CCDC7: variants seen among roughly 807,000 people sequenced by gnomAD.
CCDC7 encodes coiled-coil domain containing 7.
In CCDC7, 183 loss-of-function variants were observed where a neutral mutation model predicts 196.9. The observed-to-expected ratio is 0.93, with a 90% CI of 0.82 to 1.05. CCDC7 has a LOEUF of 1.05. Ranked by LOEUF, CCDC7 falls within the 50% of genes least tolerant of loss-of-function variation. The pLI, the probability that CCDC7 is intolerant of heterozygous loss-of-function variation, is 0.00. For synonymous variants in CCDC7, 525 were observed against 484.6 expected (o/e 1.08, Z -1.10); for missense variants, 1,540 against 1,482.2 (o/e 1.04, Z -0.64).
intron 39 of CCDC7, among the ~76,000 whole-genome samples, chr10:32,851,406 T>C (rs770070876): frequency 3.3e-5 from 5 of 152,182 alleles, no homozygotes; most frequent in Non-Finnish European, 7.4e-5. Flanking sequence ...GTTACTGATA[T>C]CTAGTTGATA....
At chr10:32,484,287 G>A (rs1213253164) in intron 8 of CCDC7, among the ~76,000 whole-genome samples, 2 of 151,710 alleles carry the variant, frequency 1.3e-5, no homozygotes, top group African/African-American at 2.4e-5. Context: ...TCATGATTTG[G>A]CTCCCTGTTT....
At chr10:32,781,434 T>A (rs2081046897) in intron 29 of CCDC7, among the ~76,000 whole-genome samples, 1 of 152,154 alleles carries the variant, frequency 6.6e-6, no homozygotes, top group South Asian at 2.1e-4. Flanking sequence ...TTTAGTAGCA[T>A]ACAAAAAATT....
At chr10:32,729,439 A>G (rs560519847) in exon 28 of CCDC7, 3 of 1,296,620 alleles carry the variant, frequency 2.3e-6, no homozygotes, top group Non-Finnish European at 3.3e-6. Flanking sequence ...ACTTCAAGCT[A>G]AAGTAACTTC....
At chr10:32,510,137 T>C (rs2045882054) in intron 9 of CCDC7, among the ~76,000 whole-genome samples, 1 of 152,192 alleles carries the variant, frequency 6.6e-6, no homozygotes, top group Admixed American at 6.5e-5. Context: ...CCATAATGGA[T>C]GAATGGATAT....
At chr10:32,458,858 T>C (rs1473433672) in intron 3 of CCDC7, among the ~76,000 whole-genome samples, 1 of 152,144 alleles carries the variant, frequency 6.6e-6, no homozygotes, top group African/African-American at 2.4e-5. Context: ...TTCAGTGAAA[T>C]CCCTGTCAAA....
intron 41 of CCDC7, among the ~76,000 whole-genome samples, chr10:32,872,049 G>T (rs1242163614): frequency 6.6e-6 from 1 of 151,964 alleles, no homozygotes; most frequent in Non-Finnish European, 1.5e-5. Context: ...AATAGGTGTG[G>T]TGTGGTGTGG....
At chr10:32,605,041 C>T (rs2061428116) in intron 18 of CCDC7, among the ~76,000 whole-genome samples, 1 of 152,090 alleles carries the variant, frequency 6.6e-6, no homozygotes, top group East Asian at 1.9e-4. Context: ...GTTGTGGGGG[C>T]AGATCCCTCA....
intron 33 of CCDC7, among the ~76,000 whole-genome samples, chr10:32,841,228 A>G (rs1192334445): frequency 6.6e-6 from 1 of 152,022 alleles, no homozygotes; most frequent in Non-Finnish European, 1.5e-5. Flanking sequence ...TGCTGATGAT[A>G]TGATCATATA....
chr10:32,672,206 G>A (rs1438910299), intron 21 of CCDC7, among the ~76,000 whole-genome samples: 1 of 152,184 alleles, frequency 6.6e-6, no homozygotes, highest in East Asian at 1.9e-4. Context: ...GAATCAAGGT[G>A]CAGATTCCTG....
intron 8 of CCDC7, among the ~76,000 whole-genome samples, chr10:32,490,808 A>C (rs2042030320): frequency 1.3e-5 from 2 of 152,116 alleles, no homozygotes; most frequent in Admixed American, 6.6e-5. Context: ...AAAAAAAAAA[A>C]AGTTGGTGTT....
At chr10:32,520,305 T>C (rs1241480211) in intron 11 of CCDC7, among the ~76,000 whole-genome samples, 1 of 152,102 alleles carries the variant, frequency 6.6e-6, no homozygotes, top group Non-Finnish European at 1.5e-5. Flanking sequence ...CTATTTTCCA[T>C]AGTGGTTTTA....
At chr10:32,475,120 T>C (rs1328785018) in intron 8 of CCDC7, among the ~76,000 whole-genome samples, 1 of 152,212 alleles carries the variant, frequency 6.6e-6, no homozygotes, top group Non-Finnish European at 1.5e-5. Context: ...TCTATGGACC[T>C]CTCAAGAGCT....
At chr10:32,874,054 A>C (rs1263399362) in intron 41 of CCDC7, among the ~76,000 whole-genome samples, 14 of 151,458 alleles carry the variant, frequency 9.2e-5, no homozygotes, top group Non-Finnish European at 2.9e-5. Context: ...TGTCTCAAAA[A>C]GTAACTAGTC....
At chr10:32,636,105 A>G (rs2065589317) in intron 20 of CCDC7, among the ~76,000 whole-genome samples, 1 of 152,220 alleles carries the variant, frequency 6.6e-6, no homozygotes, top group East Asian at 1.9e-4. Flanking sequence ...CTAATAGTTT[A>G]TTACCACAAA....
chr10:32,698,809 A>G (rs562403539), intron 24 of CCDC7, among the ~76,000 whole-genome samples: 10 of 152,318 alleles, frequency 6.6e-5, no homozygotes, highest in African/African-American at 9.6e-5. Flanking sequence ...AACTTCCCCA[A>G]CCTAGCAAGG....
At chr10:32,806,117 A>G (rs765660933) in intron 30 of CCDC7, among the ~76,000 whole-genome samples, 10 of 152,218 alleles carry the variant, frequency 6.6e-5, no homozygotes, top group Non-Finnish European at 1.2e-4. Flanking sequence ...ACCTCCAACA[A>G]TGGGGATTAC....
chr10:32,493,884 G>T (rs1354412656), intron 9 of CCDC7, among the ~76,000 whole-genome samples: 1 of 151,916 alleles, frequency 6.6e-6, no homozygotes, highest in East Asian at 1.9e-4. Flanking sequence ...TTTTTAAATG[G>T]TGTTATTTGT....
chr10:32,751,038 G>A (rs1175181234), intron 28 of CCDC7, among the ~76,000 whole-genome samples: 2 of 152,080 alleles, frequency 1.3e-5, no homozygotes, highest in African/African-American at 4.8e-5. Context: ...TCTATAACTA[G>A]TTATGAAGGC....
rs1277551973 is a variant in CCDC7 at position 32,528,691 on chromosome 10, C to CATAT, written c.993+10187_993+10188insTATA. On this transcript the variant is annotated intron_variant, in intron 11 of 41. Transcript: ENST00000639629. Reference sequence around the variant, plus strand: ...ACACATATATATATGCATATATATACACACACATATATATGTATATATACA... The same window carrying CATAT: ...ACACATATATATATGCATATATATACATATACACACATATATATGTATATATACA... Among the ~76,000 whole-genome samples, 191 of 112,698 alleles carry CATAT rather than the reference C, an allele frequency of 1.7e-3. 1 individual carries two copies. In the East Asian group the frequency reaches 0.047, roughly 28 times the overall value. The allele number at this position is 112,698 out of a possible 152,430, so 73.9% of individuals were successfully genotyped here.
Sources: gnomAD v4.1 joint callset for allele counts (sites outside exome capture counted in the v4.1 genomes callset) on GRCh38, gnomAD v4.1.1 for gene constraint, MANE v1.5 for transcripts, NCBI Gene and HGNC (gene_info 2026-07-23, HGNC 2026-07-21) for gene names.